ZBTB21: variants seen among roughly 807,000 people sequenced by gnomAD.
ZBTB21 encodes zinc finger and BTB domain containing 21.
Under a neutral mutation model 39.8 loss-of-function variants are expected in ZBTB21, and 10 were observed. That is an observed-to-expected ratio of 0.25 (90% CI 0.16 to 0.43). ZBTB21 has a LOEUF of 0.43. ZBTB21 is among the 20% of genes least tolerant of loss of function. The pLI, the probability that ZBTB21 is intolerant of heterozygous loss-of-function variation, is 1.00. For synonymous variants in ZBTB21, 551 were observed against 498.8 expected (o/e 1.10, Z -1.40); for missense variants, 1,221 against 1,296.3 (o/e 0.94, Z 0.89).
intron 2 of ZBTB21, among the ~76,000 whole-genome samples, chr21:41,999,761 A>G (rs533031512): frequency 2.0e-3 from 301 of 152,342 alleles, no homozygotes; most frequent in Non-Finnish European, 2.9e-3. Flanking sequence ...GGGAGAAGCT[A>G]AGGCAACAGG....
At chr21:42,002,811 A>C (rs2065833912) in intron 2 of ZBTB21, 86 bp downstream of exon 2, 1 of 152,180 alleles carries the variant, frequency 6.6e-6, no homozygotes, top group African/African-American at 2.4e-5. Flanking sequence ...AAATTTGGAG[A>C]AAAGGTCTAT....
Position 41,990,023 on chromosome 21 carries a change from G to A in ZBTB21, c.*872C>T, listed in dbSNP as rs577929333. The A allele has an allele frequency of 6.6e-6, 1 of 152,290 alleles. No homozygotes were observed. Among genetic ancestry groups the A allele is most frequent in the African/African-American group, 2.4e-5 (1 of 41,570 alleles). 9.4% of individuals were successfully genotyped at this position (152,290 alleles called of 1,614,324 possible). On this transcript the variant is annotated 3_prime_UTR_variant, in exon 3 of 3. Transcript: ENST00000310826. ...TTGTTTTTTGTCCTAACTACACTCAGATTTTCAATTTGTGACAGCATAAAT... is the reference window on the plus strand; with the variant it reads ...TTGTTTTTTGTCCTAACTACACTCAAATTTTCAATTTGTGACAGCATAAAT...
At chr21:42,001,190 G>A (rs1438434028) in intron 2 of ZBTB21, among the ~76,000 whole-genome samples, 1 of 150,096 alleles carries the variant, frequency 6.7e-6, no homozygotes, top group Non-Finnish European at 1.5e-5. Context: ...GGATCCAGAG[G>A]CTAAGCTCTT....
In ZBTB21 at chr21:41,990,090, G is replaced by C. The variant is rs890713273; in HGVS notation, c.*805C>G. The C allele has an allele frequency of 6.6e-6, 1 of 152,214 alleles. No individual in the cohort carries two copies. The highest frequency in any genetic ancestry group is 2.4e-5 in the African/African-American group (1 of 41,442). 9.4% of individuals were successfully genotyped at this position (152,214 alleles called of 1,614,324 possible). A position where few individuals can be genotyped will look rare whatever the true frequency, so the allele number is the denominator to read the frequency against. ...TGTGCAGTCCTTCAAATGCTGGTCT[G>C]AATTTAGACTGTGGTGCAGTGTACA... is the stretch of plus-strand genomic sequence containing the variant. On this transcript the variant is annotated 3_prime_UTR_variant, in exon 3 of 3. Coordinates refer to ENST00000310826, the MANE Select transcript of ZBTB21 (RefSeq NM_001098402.2).
At chr21:41,998,145 T>C (rs754494268) in intron 2 of ZBTB21, among the ~76,000 whole-genome samples, 3 of 152,102 alleles carry the variant, frequency 2.0e-5, no homozygotes, top group African/African-American at 7.2e-5. Flanking sequence ...CTCTGTGTAT[T>C]TGACCCTTTA....
chr21:41,991,560 CGTT>C lies in ZBTB21; in HGVS notation c.2533_2535del (p.Asn845del), dbSNP rs1569101960. On this transcript the variant is annotated inframe_deletion, in exon 3 of 3. Coordinates refer to ENST00000310826, the MANE Select transcript of ZBTB21 (RefSeq NM_001098402.2). The surrounding 1 kb of genome is among the most constrained non-coding windows in gnomAD (Gnocchi z 4.9). ...ACTTGTTCTGAAGAATCACTGAACA[CGTT>C]GTCGTCTTTTGTGGTGACGATGTGG... The C allele has an allele frequency of 6.2e-7, 1 of 1,614,206 alleles. No homozygotes were observed. Among genetic ancestry groups the C allele is most frequent in the Non-Finnish European group, 8.5e-7 (1 of 1,180,042 alleles).
chr21:41,999,303 A>G (rs2065789133), intron 2 of ZBTB21, among the ~76,000 whole-genome samples: 1 of 152,234 alleles, frequency 6.6e-6, no homozygotes, highest in Admixed American at 6.5e-5. Context: ...AAAATAAATG[A>G]CTAGGACAGA....
At chr21:42,010,205 A>G (rs190262038) in intron 1 of ZBTB21, 47 bp downstream of exon 1, 11 of 396,168 alleles carry the variant, frequency 2.8e-5, no homozygotes, top group African/African-American at 1.9e-4. Flanking sequence ...TAGCCTCCCA[A>G]GGAGCCCCGC....
rs199683392 is a variant in ZBTB21 at position 41,993,738 on chromosome 21, T to C, written c.358A>G (p.Lys120Glu). Residue 120 changes from lysine to glutamate, a missense_variant, in exon 3 of 3, where the codon AAA (lysine) becomes GAA (glutamate). This residue lies in a region of ZBTB21 where 108 missense variants were observed against 155.0 expected (regional missense o/e 0.70). Coordinates refer to ENST00000310826, the MANE Select transcript of ZBTB21 (RefSeq NM_001098402.2). ...GISFLTNIVS[K>E]TPQAPFPTCP... is the part of the protein sequence containing the mutation. The stretch of plus-strand genomic sequence containing the variant: ...GTTGGAAAGGGGGCTTGAGGTGTTT[T>C]AGAAACGATGTTAGTCAGAAAGGAA... 1.2e-6 allele frequency: 2 copies of C among 1,614,228 alleles called. No individual in the cohort carries two copies. Among genetic ancestry groups the C allele is most frequent in the Non-Finnish European group, 8.5e-7 (1 of 1,180,046 alleles).
Position 41,990,703 on chromosome 21 carries a change from T to C in ZBTB21, c.*192A>G, listed in dbSNP as rs1325380962. The C allele has an allele frequency of 1.8e-5, 9 of 486,930 alleles. No individual in the cohort carries two copies. Among genetic ancestry groups the C allele is most frequent in the Middle Eastern group, 1.1e-3 (2 of 1,832 alleles). 30.2% of individuals were successfully genotyped at this position (486,930 alleles called of 1,614,324 possible). ...TCTTGTAAGGTCCAGAACCACAATATTTTAAAAGCTGTATTTCTAAAGTTA... is the reference window on the plus strand; with the variant it reads ...TCTTGTAAGGTCCAGAACCACAATACTTTAAAAGCTGTATTTCTAAAGTTA... On this transcript the variant is annotated 3_prime_UTR_variant, in exon 3 of 3. Coordinates refer to ENST00000310826, the MANE Select transcript of ZBTB21 (RefSeq NM_001098402.2).
chr21:42,000,525 T>C (rs1309976251), intron 2 of ZBTB21, among the ~76,000 whole-genome samples: 1 of 151,776 alleles, frequency 6.6e-6, no homozygotes, highest in Non-Finnish European at 1.5e-5. Context: ...CCAAGGGGAG[T>C]TTTCTACATC....
At chr21:41,997,801 G>T (rs930499463) in intron 2 of ZBTB21, among the ~76,000 whole-genome samples, 4 of 152,076 alleles carry the variant, frequency 2.6e-5, no homozygotes, top group Non-Finnish European at 5.9e-5. Context: ...ATCTAAACAT[G>T]AGAAGAGGAG....
Position 41,992,993 on chromosome 21 carries a change from A to G in ZBTB21, c.1103T>C (p.Val368Ala). 2 of 1,614,204 alleles carry G rather than the reference A, an allele frequency of 1.2e-6. No individual in the cohort carries two copies. ...DLKSSQGSSSVSSDAPGNVLC... is the reference protein window; with the variant it reads ...DLKSSQGSSSASSDAPGNVLC... ...CACATTCCCTGGTGCATCACTGGAC[A>G]CCGAAGATGATCCCTGGGAAGATTT... The change falls in exon 3 of 3, where the codon GTG becomes GCG. Residue 368 changes from valine (V) to alanine (A), a missense_variant. Physicochemically the swap from Val to Ala is moderately conservative, Grantham distance 64 (BLOSUM62 0). Transcript: ENST00000310826. This position sits in a 1 kb window ranked among gnomAD's most constrained non-coding sequence, Gnocchi z 4.1.
rs748169707 is a variant in ZBTB21, at chr21:41,991,926, A to G, written c.2170T>C (p.Cys724Arg). The G allele has an allele frequency of 6.2e-7, 1 of 1,614,132 alleles. No homozygotes were observed. Among genetic ancestry groups the G allele is most frequent in the South Asian group, 1.1e-5 (1 of 91,086 alleles). The stretch of plus-strand genomic sequence containing the variant: ...GAGAGCTTAGCATTACAGAGGCGGC[A>G]CTGGTAAACCTCCTTGTTTTCTACT... ...SPVENKEVYQCRLCNAKLSSL... is the reference protein window; with the variant it reads ...SPVENKEVYQRRLCNAKLSSL... The change falls in exon 3 of 3, where the codon TGC (cysteine) becomes CGC (arginine). Residue 724 changes from cysteine (C) to arginine (R), a missense_variant. Coordinates refer to ENST00000310826, the MANE Select transcript of ZBTB21 (RefSeq NM_001098402.2). The surrounding 1 kb of genome is among the most constrained non-coding windows in gnomAD (Gnocchi z 4.9).
intron 2 of ZBTB21, among the ~76,000 whole-genome samples, chr21:41,996,971 T>A (rs2065754868): frequency 6.6e-6 from 1 of 152,200 alleles, no homozygotes; most frequent in African/African-American, 2.4e-5. Flanking sequence ...TTACACAGCC[T>A]CCCCAGTCAC....
At chr21:42,003,792 T>C (rs1471797571) in intron 1 of ZBTB21, among the ~76,000 whole-genome samples, 2 of 152,208 alleles carry the variant, frequency 1.3e-5, no homozygotes, top group African/African-American at 2.4e-5. Context: ...GGTTCCATTC[T>C]TTACATTTCT....
Position 41,991,766 on chromosome 21 carries a change from C to A in ZBTB21, c.2330G>T (p.Cys777Phe). The A allele has an allele frequency of 1.2e-6, 2 of 1,614,208 alleles. No homozygotes were observed. Among genetic ancestry groups the A allele is most frequent in the Non-Finnish European group, 8.5e-7 (1 of 1,180,030 alleles). The change falls in exon 3 of 3, where the codon TGC becomes TTC. Residue 777 changes from cysteine to phenylalanine, a missense_variant. Cys to Phe is a radical substitution (Grantham distance 205). Around this residue, in one of 4 missense-constraint regions of ZBTB21, gnomAD observed 523 missense variants for 542.5 expected, o/e 0.96. Transcript: ENST00000310826. The surrounding 1 kb of genome is among the most constrained non-coding windows in gnomAD (Gnocchi z 4.9). ...CTTGAAGGTGCGCATGCACTCGAGG[C>A]AGGTCAGCTTCTTATACTCACACTT... ...ESKCEYKKLT[C>F]LECMRTFKSS... is the part of the protein sequence containing the mutation.
At position 41,987,643 on chromosome 21, in the gene ZBTB21, CTAAT is replaced by C. The variant is rs978117806; in HGVS notation, c.*3248_*3251del. 2.0e-5 allele frequency: 3 copies of C among 152,074 alleles called. No individual in the cohort carries two copies. Among genetic ancestry groups the C allele is most frequent in the African/African-American group, 7.2e-5 (3 of 41,402 alleles). The allele number at this position is 152,074 out of a possible 1,614,324, so 9.4% of individuals were successfully genotyped here. ...TACAGAAATCTATTTGGAATTATACCTAATTACTTTTTACTAAGAAACTTCAAAT... is the reference window on the plus strand; with the variant it reads ...TACAGAAATCTATTTGGAATTATACCTACTTTTTACTAAGAAACTTCAAAT... On this transcript the variant is annotated 3_prime_UTR_variant, in exon 3 of 3. Coordinates refer to ENST00000310826, the MANE Select transcript of ZBTB21 (RefSeq NM_001098402.2).
At position 41,991,125 on chromosome 21, in the gene ZBTB21, G is replaced by C. The variant is rs765828457; in HGVS notation, c.2971C>G (p.Pro991Ala). 1 of 1,613,848 alleles carries C rather than the reference G, an allele frequency of 6.2e-7. No homozygotes were observed. The highest frequency in any genetic ancestry group is 2.2e-5 in the East Asian group (1 of 44,894). Reference sequence around the variant, plus strand: ...AGAGGCTGGATCTTGGGCAGTGGTGGTGGCGGTGGCAGAGGTGGTGGAGAG... The same window carrying C: ...AGAGGCTGGATCTTGGGCAGTGGTGCTGGCGGTGGCAGAGGTGGTGGAGAG... ...SPSPPPLPPP[P>A]PLPKIQPLEP... The change falls in exon 3 of 3, where the codon CCA becomes GCA. Residue 991 changes from proline (P) to alanine (A), a missense_variant. Coordinates refer to ENST00000310826, the MANE Select transcript of ZBTB21 (RefSeq NM_001098402.2). The surrounding 1 kb of genome is among the most constrained non-coding windows in gnomAD (Gnocchi z 4.9).
Sources: gnomAD v4.1 joint callset for allele counts (sites outside exome capture counted in the v4.1 genomes callset) on GRCh38, gnomAD v4.1.1 for gene constraint, gnomAD v4.1.1 regional missense constraint, Gnocchi (gnomAD v3.1) non-coding constraint, MANE v1.5 for transcripts, NCBI Gene and HGNC (gene_info 2026-07-23, HGNC 2026-07-21) for gene names.